The following NOL11 variants were observed in gnomAD, a reference collection of about 807,000 sequenced individuals.
The protein encoded by NOL11 is nucleolar protein 11.
NOL11 carries 42 observed loss-of-function variants against 93.0 expected under a neutral mutation model. That is an observed-to-expected ratio of 0.45 (90% CI 0.35 to 0.58). The LOEUF is 0.58. NOL11 is among the 20% of genes least tolerant of loss of function. NOL11 has a pLI of 0.00. For missense variants in NOL11, 775 were observed against 841.8 expected (o/e 0.92, Z 0.98); for synonymous variants, 296 against 293.7 (o/e 1.01, Z -0.08).
At chr17:67,741,718 C>T (rs2055258523) in intron 16 of NOL11, among the ~76,000 whole-genome samples, 1 of 151,878 alleles carries the variant, frequency 6.6e-6, no homozygotes, top group Admixed American at 6.6e-5. Flanking sequence ...ATTATAGGCC[C>T]CCACCACCAT....
intron 8 of NOL11, 129 bp downstream of exon 8, chr17:67,734,568 C>A: frequency 4.9e-6 from 3 of 614,980 alleles, no homozygotes; most frequent in Non-Finnish European, 8.7e-6. Flanking sequence ...AAGTGATCCT[C>A]CTGCTTCAGA....
At chr17:67,736,297 C>A (rs11656674) in intron 9 of NOL11, among the ~76,000 whole-genome samples, 115,869 of 147,312 alleles carry the variant, frequency 0.79, 46,050 homozygotes, top group Non-Finnish European at 0.87. Context: ...AAATGGAAAA[C>A]AAAAAAAAAA....
intron 7 of NOL11, 88 bp downstream of exon 7, chr17:67,726,736 A>C: frequency 1.0e-6 from 1 of 954,694 alleles, no homozygotes; most frequent in South Asian, 2.2e-5. Flanking sequence ...TCATTTCGTT[A>C]TTACCCAGAC....
At chr17:67,740,200 A>G (rs1039762304) in intron 16 of NOL11, among the ~76,000 whole-genome samples, 1 of 151,516 alleles carries the variant, frequency 6.6e-6, no homozygotes, top group Non-Finnish European at 1.5e-5. Flanking sequence ...GCGCCACTGC[A>G]CTCCAGTCTG....
At chr17:67,737,183 A>C (rs1462906777) in intron 11 of NOL11, 38 bp downstream of exon 11, 17 of 1,243,732 alleles carry the variant, frequency 1.4e-5, no homozygotes, top group Non-Finnish European at 1.8e-5. Flanking sequence ...AATCAAACTC[A>C]AGTGTTCCAA....
At chr17:67,738,693 G>A (rs2055226898) in intron 14 of NOL11, 10 of 425,502 alleles carry the variant, frequency 2.4e-5, no homozygotes, top group Middle Eastern at 6.3e-4. Flanking sequence ...AAAAAAAAAA[G>A]AAGAAGCTAT....
chr17:67,730,558 C>A (rs2055144816), intron 7 of NOL11, among the ~76,000 whole-genome samples: 1 of 152,216 alleles, frequency 6.6e-6, no homozygotes, highest in South Asian at 2.1e-4. Flanking sequence ...CTGCGCCCAG[C>A]TGTGTACCAG....
chr17:67,737,674 C>T lies in NOL11; in HGVS notation c.1385C>T (p.Thr462Met), dbSNP rs780769053. Residue 462 changes from threonine (T) to methionine (M), a missense_variant, in exon 12 of 18, where the codon ACG (threonine) becomes ATG (methionine). Transcript: ENST00000253247. Reference protein sequence around the residue: ...PRNCLMQLIQTHVLSYSLCPD... With the variant: ...PRNCLMQLIQMHVLSYSLCPD... ...AACTGTCTGATGCAGCTTATCCAAA[C>T]GCATGTGCTTTCTTACAGGTAGCTG... The T allele has an allele frequency of 8.1e-6, 13 of 1,612,942 alleles. No homozygotes were observed. Among genetic ancestry groups the T allele is most frequent in the African/African-American group, 2.7e-5 (2 of 74,880 alleles).
At chr17:67,721,257 A>G in intron 3 of NOL11, 121 bp from the exon 4 acceptor site, 2 of 612,624 alleles carry the variant, frequency 3.3e-6, no homozygotes, top group Non-Finnish European at 5.2e-6. Flanking sequence ...CATAATTATA[A>G]AGCAAAATTA....
rs529866234 is a variant in NOL11 at position 67,738,242 on chromosome 17, C to T, written c.1650C>T (p.Phe550=). 2 of 1,613,532 alleles carry T rather than the reference C, an allele frequency of 1.2e-6. No individual in the cohort carries two copies. Among genetic ancestry groups the T allele is most frequent in the Admixed American group, 1.7e-5 (1 of 60,006 alleles). Residue 550 remains phenylalanine (F), a synonymous_variant, in exon 14 of 18, where the codon TTC becomes TTT. Coordinates refer to ENST00000253247, the MANE Select transcript of NOL11 (RefSeq NM_015462.5). ...AAACTGAAATTCTTCAAAATGGCTT[C>T]AATCCTGAAGAAGATAAATGCAATA... The part of the protein sequence containing the change: ...EEQTEILQNG[F]NPEEDKCNNC...
intron 8 of NOL11, 33 bp downstream of exon 8, chr17:67,734,472 T>G (rs776430175): frequency 7.4e-7 from 1 of 1,344,980 alleles, no homozygotes; most frequent in African/African-American, 1.4e-5. Context: ...TTTCTCTGAT[T>G]TAGTTATTTT....
chr17:67,730,502 C>T (rs961971210), intron 7 of NOL11, among the ~76,000 whole-genome samples: 4 of 152,298 alleles, frequency 2.6e-5, no homozygotes, highest in South Asian at 2.1e-4. Flanking sequence ...CCTCATGATC[C>T]GCCCGCCTCA....
intron 8 of NOL11, among the ~76,000 whole-genome samples, chr17:67,735,174 T>G (rs904321627): frequency 1.3e-5 from 2 of 151,966 alleles, no homozygotes; most frequent in Non-Finnish European, 2.9e-5. Context: ...CCTTGTGAGT[T>G]TTTTTCTCCA....
chr17:67,742,726 G>C (rs1203946401), intron 16 of NOL11, among the ~76,000 whole-genome samples: 1 of 152,120 alleles, frequency 6.6e-6, no homozygotes, highest in East Asian at 1.9e-4. Flanking sequence ...CAGTTTCCCG[G>C]TTGCTTTGAT....
At chr17:67,733,325 A>C (rs1195436178) in intron 7 of NOL11, among the ~76,000 whole-genome samples, 1 of 152,182 alleles carries the variant, frequency 6.6e-6, no homozygotes, top group Non-Finnish European at 1.5e-5. Flanking sequence ...AGATCGTGCC[A>C]CTGCACTCCA....
chr17:67,736,988 CT>C, intron 10 of NOL11, 82 bp from the exon 11 acceptor site: 1 of 935,402 alleles, frequency 1.1e-6, no homozygotes, highest in South Asian at 1.4e-5. Context: ...GTGCTAATCT[CT>C]TTGGAGTGTT....
At chr17:67,743,323 T>TAAAA in intron 16 of NOL11, 156 bp from the exon 17 acceptor site, 1 of 447,350 alleles carries the variant, frequency 2.2e-6, no homozygotes, top group Non-Finnish European at 4.0e-6. Flanking sequence ...AGCCTTTTTA[T>TAAAA]ATTTCGTAGA....
chr17:67,723,890 A>C (rs779896877), intron 5 of NOL11, among the ~76,000 whole-genome samples, 159 bp from the exon 6 acceptor site: 34 of 152,184 alleles, frequency 2.2e-4, no homozygotes, highest in Admixed American at 2.1e-3. Context: ...TGGGCCACAG[A>C]GCAAGACCCT....
In NOL11 at chr17:67,743,793, A is replaced by G. The variant is rs2055276845; in HGVS notation, c.2094A>G (p.Leu698=). Reference sequence around the variant, plus strand: ...AGATTGAAGTAAGTTTTCGGGAGCTACAGAAATTAAATCAAGAAAAGAATA... The same window carrying G: ...AGATTGAAGTAAGTTTTCGGGAGCTGCAGAAATTAAATCAAGAAAAGAATA... ...LNKIEVSFRE[L]QKLNQEKNNR... The change falls in exon 18 of 18, where the codon CTA becomes CTG. Residue 698 remains leucine (L), a synonymous_variant. Transcript: ENST00000253247. 1.3e-6 allele frequency: 2 copies of G among 1,553,550 alleles called. No individual in the cohort carries two copies. Among genetic ancestry groups the G allele is most frequent in the Non-Finnish European group, 1.7e-6 (2 of 1,156,596 alleles).
Sources: allele counts gnomAD v4.1 joint callset (sites outside exome capture counted in the v4.1 genomes callset), GRCh38; gene constraint gnomAD v4.1.1; transcripts MANE v1.5; gene names NCBI Gene and HGNC (gene_info 2026-07-23, HGNC 2026-07-21).